The following NKIRAS1 variants were observed in gnomAD, a reference collection of about 807,000 sequenced individuals.
The protein encoded by NKIRAS1 is NF-kappa-B inhibitor-interacting Ras-like protein 1.
In NKIRAS1, 16 loss-of-function variants were observed where a neutral mutation model predicts 19.8. The observed-to-expected ratio is 0.81, with a 90% CI of 0.55 to 1.23. The LOEUF (loss-of-function observed/expected upper bound fraction) is 1.23, where lower values mean the gene tolerates loss of function less well. Among genes scored for constraint, NKIRAS1 ranks in the 50% most tolerant of loss-of-function variants. The probability of loss-of-function intolerance (pLI) is 0.00; values close to 1 mark genes in which losing one functional copy is unlikely to be tolerated. For missense variants in NKIRAS1, 184 were observed against 220.0 expected, an observed-to-expected ratio of 0.84 and a Z score of 1.04; for synonymous variants, 88 against 79.0, an observed-to-expected ratio of 1.11 and a Z score of -0.61.
At chr3:23,896,814 A>T (rs1260149727) in intron 4 of NKIRAS1, among the ~76,000 whole-genome samples, 4 of 140,986 alleles carry the variant, frequency 2.8e-5, no homozygotes, top group African/African-American at 8.1e-5. Context: ...CTCTACAATT[A>T]AAAAAAAAAA....
At chr3:23,906,492 T>C (rs927343404) in intron 3 of NKIRAS1, among the ~76,000 whole-genome samples, 8 of 152,218 alleles carry the variant, frequency 5.3e-5, no homozygotes, top group African/African-American at 1.9e-4. Context: ...ATGTCTTACA[T>C]GTAGATTTTC....
At chr3:23,925,459 C>G (rs750010574) in intron 1 of NKIRAS1, among the ~76,000 whole-genome samples, 4 of 151,994 alleles carry the variant, frequency 2.6e-5, no homozygotes, top group Admixed American at 6.6e-5. Context: ...GATGGCGAAA[C>G]CCGTCTCTAT....
chr3:23,897,129 G>A (rs1032234998), intron 4 of NKIRAS1, among the ~76,000 whole-genome samples: 1 of 152,032 alleles, frequency 6.6e-6, no homozygotes, highest in South Asian at 2.1e-4. Flanking sequence ...GGAGGTCACT[G>A]GAGCCTGGGA....
chr3:23,928,100 C>CCACACACA (rs66482461), intron 1 of NKIRAS1, among the ~76,000 whole-genome samples: 53 of 146,190 alleles, frequency 3.6e-4, no homozygotes, highest in African/African-American at 1.2e-3. Flanking sequence ...TCTCTACACA[C>CCACACACA]CACACACACA....
At chr3:23,918,739 G>A, upstream of NKIRAS1, 1 of 832,062 alleles carries the variant, frequency 1.2e-6, no homozygotes, top group Non-Finnish European at 1.8e-6. Flanking sequence ...TGAAAGACTT[G>A]TCTTTGTTAC....
intron 1 of NKIRAS1, among the ~76,000 whole-genome samples, chr3:23,937,947 T>C (rs1034445487): frequency 4.6e-5 from 7 of 152,166 alleles, no homozygotes; most frequent in African/African-American, 1.7e-4. Context: ...AGATATTAGA[T>C]ATTATTAAGA....
rs761494766 is a variant in NKIRAS1 at position 23,890,094 on chromosome 3, G to A, written c.*3001C>T. Among the ~76,000 whole-genome samples, 8 of 152,090 alleles carry A rather than the reference G, an allele frequency of 5.3e-5. No individual in the cohort carries two copies. Among genetic ancestry groups the A allele is most frequent in the East Asian group, 1.9e-4 (1 of 5,196 alleles). On this transcript the variant is annotated 3_prime_UTR_variant, in exon 5 of 5. Coordinates refer to ENST00000425478, the MANE Select transcript of NKIRAS1 (RefSeq NM_020345.4). ...AATAGTGTTGCACTGCAACAGCCCCGAAGACTTCACAGTATTCACAATGCC... is the reference window on the plus strand; with the variant it reads ...AATAGTGTTGCACTGCAACAGCCCCAAAGACTTCACAGTATTCACAATGCC...
chr3:23,944,849 G>A (rs1238398507), intron 1 of NKIRAS1, among the ~76,000 whole-genome samples: 1 of 148,882 alleles, frequency 6.7e-6, no homozygotes, highest in Non-Finnish European at 1.5e-5. Context: ...GGGTGGGGGT[G>A]GGGGGCGCAA....
chr3:23,916,489 A>G (rs1017326803), intron 1 of NKIRAS1: 2 of 152,314 alleles, frequency 1.3e-5, no homozygotes, highest in Non-Finnish European at 2.9e-5. Context: ...GCCGCCCGCA[A>G]TCCACCCACT....
At chr3:23,918,937 A>G (rs1704892174), upstream of NKIRAS1, 2 of 536,354 alleles carry the variant, frequency 3.7e-6, no homozygotes, top group East Asian at 3.0e-5. Context: ...TTTGTTACCC[A>G]GATATTAACA....
chr3:23,945,959 G>A (rs2125276529), intron 1 of NKIRAS1, among the ~76,000 whole-genome samples: 1 of 151,580 alleles, frequency 6.6e-6, no homozygotes, highest in East Asian at 2.0e-4. Flanking sequence ...GCGGCGGCGG[G>A]CGGGGACACG....
At chr3:23,919,231 C>A (rs776268885), upstream of NKIRAS1, 7 of 1,613,848 alleles carry the variant, frequency 4.3e-6, no homozygotes, top group South Asian at 5.5e-5. Flanking sequence ...CTCTGAGAGT[C>A]CTGAATTCTT....
chr3:23,901,169 T>G, intron 3 of NKIRAS1, 120 bp from the exon 4 acceptor site: 1 of 1,125,204 alleles, frequency 8.9e-7, no homozygotes, highest in South Asian at 1.6e-5. Context: ...ATAATCACAT[T>G]TCTATTTTAC....
chr3:23,918,304 G>A, upstream of NKIRAS1: 1 of 1,067,634 alleles, frequency 9.4e-7, no homozygotes, highest in Non-Finnish European at 1.3e-6. Flanking sequence ...AGACTGGGAT[G>A]TGTTTTATTT....
chr3:23,944,370 C>T (rs1301722465), intron 1 of NKIRAS1, among the ~76,000 whole-genome samples: 1 of 152,188 alleles, frequency 6.6e-6, no homozygotes, highest in Non-Finnish European at 1.5e-5. Flanking sequence ...ACAAGCAACA[C>T]CCATATCCCC....
At chr3:23,898,619 T>C (rs74997980) in intron 4 of NKIRAS1, among the ~76,000 whole-genome samples, 7 of 151,984 alleles carry the variant, frequency 4.6e-5, no homozygotes, top group Non-Finnish European at 8.8e-5. Flanking sequence ...AATTTTTGTA[T>C]TTTTTTAGTA....
upstream of NKIRAS1, chr3:23,921,529 C>T: frequency 4.5e-6 from 3 of 673,008 alleles, no homozygotes; most frequent in Admixed American, 4.4e-5. Flanking sequence ...TTTACTATTT[C>T]TATATTGGCA....
intron 1 of NKIRAS1, among the ~76,000 whole-genome samples, chr3:23,933,010 G>C (rs2125267648): frequency 6.6e-6 from 1 of 152,218 alleles, no homozygotes; most frequent in East Asian, 1.9e-4. Flanking sequence ...CTTTGAGATG[G>C]GGAGACTTCA....
chr3:23,945,057 A>G (rs1195565162), intron 1 of NKIRAS1, among the ~76,000 whole-genome samples: 2 of 151,742 alleles, frequency 1.3e-5, no homozygotes, highest in African/African-American at 4.8e-5. Context: ...GCGGAGGGAA[A>G]CGGAGAAGAG....
Sources: gnomAD v4.1 joint callset for allele counts (sites outside exome capture counted in the v4.1 genomes callset) on GRCh38, gnomAD v4.1.1 for gene constraint, MANE v1.5 for transcripts, NCBI Gene and HGNC (gene_info 2026-07-23, HGNC 2026-07-21) for gene names.